Variants in SEPTIN2 observed in about 807,000 individuals in gnomAD.
SEPTIN2 encodes septin-2.
SEPTIN2 carries 34 observed loss-of-function variants against 46.5 expected under a neutral mutation model. That is an observed-to-expected ratio of 0.73 (90% confidence interval 0.56 to 0.97). The LOEUF (loss-of-function observed/expected upper bound fraction) is 0.97, where lower values mean the gene tolerates loss of function less well. Ranked by LOEUF, SEPTIN2 falls within the 50% of genes least tolerant of loss-of-function variation. The pLI is 0.00. For missense variants in SEPTIN2, 347 were observed against 448.4 expected (o/e 0.77, Z 2.04); for synonymous variants, 175 against 153.4 (o/e 1.14, Z -1.04).
chr2:241,343,958 G>T (rs1311867284), intron 9 of SEPTIN2, 61 bp downstream of exon 9: 1 of 1,591,886 alleles, frequency 6.3e-7, no homozygotes, highest in Admixed American at 1.7e-5. Flanking sequence ...GATTTCAGAC[G>T]GGGTGTACAC....
At chr2:241,322,156 G>C (rs1248789452) in intron 1 of SEPTIN2, among the ~76,000 whole-genome samples, 1 of 152,150 alleles carries the variant, frequency 6.6e-6, no homozygotes, top group African/African-American at 2.4e-5. Context: ...GAGGGGAATC[G>C]AGAGGCAAAG....
chr2:241,351,869 T>G (rs1341205547), intron 12 of SEPTIN2, 98 bp from the exon 13 acceptor site: 1 of 152,360 alleles, frequency 6.6e-6, no homozygotes, highest in Non-Finnish European at 1.5e-5. Flanking sequence ...TTGCTCAGTT[T>G]ATGACCTTTG....
At chr2:241,348,016 A>G (rs974842809) in intron 10 of SEPTIN2, 118 bp from the exon 11 acceptor site, 12 of 770,456 alleles carry the variant, frequency 1.6e-5, no homozygotes, top group Admixed American at 1.1e-4. Flanking sequence ...CACCATCTCA[A>G]TATAAAAAGA....
Position 241,317,240 on chromosome 2 carries a change from A to C in SEPTIN2, c.-18+1258A>C, listed in dbSNP as rs530806539. Among the ~76,000 whole-genome samples the C allele has an allele frequency of 3.3e-5, 5 of 152,288 alleles. No homozygotes were observed. In the East Asian group the frequency reaches 5.8e-4, roughly 18 times the overall value. On this transcript the variant is annotated intron_variant, in intron 1 of 12. Coordinates refer to ENST00000391971, the MANE Select transcript of SEPTIN2 (RefSeq NM_004404.5). ...TTTGCACCACCCAGCATCCTAACTC[A>C]TGATGTGTACTGTTATGTATAATCT... is the stretch of plus-strand genomic sequence containing the variant.
chr2:241,332,603 A>G (rs746552021), intron 3 of SEPTIN2, among the ~76,000 whole-genome samples: 6 of 152,226 alleles, frequency 3.9e-5, no homozygotes, highest in Non-Finnish European at 8.8e-5. Context: ...CTTAACAGTT[A>G]AGACCCAGCA....
At position 241,353,060 on chromosome 2, in the gene SEPTIN2, T is replaced by C. The variant is rs1262630697; in HGVS notation, c.*1123T>C. The stretch of plus-strand genomic sequence containing the variant: ...CTACCGGGTTCTCCTGATTTGAGTT[T>C]CCTTTAAATACTCCCTTTTTGAGTA... On this transcript the variant is annotated 3_prime_UTR_variant, in exon 13 of 13. Transcript: ENST00000391971. 1 of 152,230 alleles carries C rather than the reference T, an allele frequency of 6.6e-6. No homozygotes were observed. Among genetic ancestry groups the C allele is most frequent in the Non-Finnish European group, 1.5e-5 (1 of 68,038 alleles). The allele number at this position is 152,230 out of a possible 1,614,324, so 9.4% of individuals were successfully genotyped here.
At position 241,343,810 on chromosome 2, in the gene SEPTIN2, A is replaced by C. The variant is rs1227738455; in HGVS notation, c.755A>C (p.Lys252Thr). Residue 252 changes from lysine (K) to threonine (T), a missense_variant, in exon 9 of 13, where the codon AAG becomes ACG. Lys to Thr is a moderately conservative substitution (Grantham distance 78, BLOSUM62 -1). Coordinates refer to ENST00000391971, the MANE Select transcript of SEPTIN2 (RefSeq NM_004404.5). Reference protein sequence around the residue: ...SNQLIEAKGKKVRGRLYPWGV... With the variant: ...SNQLIEAKGKTVRGRLYPWGV... The stretch of plus-strand genomic sequence containing the variant: ...CAGTTGATTGAAGCCAAAGGAAAGA[A>C]GGTCAGAGGCCGCCTCTACCCCTGG... 1.2e-6 allele frequency: 2 copies of C among 1,614,112 alleles called. No individual in the cohort carries two copies. Among genetic ancestry groups the C allele is most frequent in the African/African-American group, 2.7e-5 (2 of 74,938 alleles).
At chr2:241,324,437 G>C (rs745362687) in intron 2 of SEPTIN2, 196 bp downstream of exon 2, 52 of 539,020 alleles carry the variant, frequency 9.6e-5, no homozygotes, top group Non-Finnish European at 1.5e-4. Flanking sequence ...CACCAGGCTG[G>C]AGTGCAGTGG....
rs144168171 is a variant in SEPTIN2, at chr2:241,328,219, G to A, written c.130+2106G>A. Among the ~76,000 whole-genome samples, 858 of 152,260 alleles carry A rather than the reference G, an allele frequency of 5.6e-3. 15 individuals carry two copies. The highest frequency in any genetic ancestry group is 0.019 in the African/African-American group (797 of 41,548). On this transcript the variant is annotated intron_variant, in intron 3 of 12. Coordinates refer to ENST00000391971, the MANE Select transcript of SEPTIN2 (RefSeq NM_004404.5). ...GGAGGCCAGAGCGGGTGGATCATTT[G>A]AGGTCAGGAGTTTGAGACCAGCCTG...
chr2:241,330,326 A>G (rs911146614), intron 3 of SEPTIN2, among the ~76,000 whole-genome samples: 12 of 152,314 alleles, frequency 7.9e-5, no homozygotes, highest in African/African-American at 2.4e-4. Flanking sequence ...AAAGATAGGA[A>G]CGTAAGAATT....
At chr2:241,323,925 A>G (rs2077528344) in intron 1 of SEPTIN2, among the ~76,000 whole-genome samples, 1 of 152,224 alleles carries the variant, frequency 6.6e-6, no homozygotes, top group Non-Finnish European at 1.5e-5. Flanking sequence ...CTCATCTCCC[A>G]GTCATTTAGT....
intron 1 of SEPTIN2, among the ~76,000 whole-genome samples, chr2:241,319,309 A>T (rs771444532): frequency 6.6e-6 from 1 of 152,250 alleles, no homozygotes; most frequent in African/African-American, 2.4e-5. Flanking sequence ...TTTGCTTCAT[A>T]ATCATCCAGG....
chr2:241,330,748 AAAC>A (rs1232861275), intron 3 of SEPTIN2, among the ~76,000 whole-genome samples: 1 of 152,250 alleles, frequency 6.6e-6, no homozygotes, highest in African/African-American at 2.4e-5. Flanking sequence ...AGGACTGACT[AAAC>A]AAATGGAGTT....
chr2:241,324,474 G>C (rs1428992851), intron 2 of SEPTIN2: 1 of 496,902 alleles, frequency 2.0e-6, no homozygotes, highest in Non-Finnish European at 3.7e-6. Context: ...TGCAACTTCT[G>C]CCTCCCACGT....
chr2:241,346,273 CTGTATTG>C lies in SEPTIN2; in HGVS notation c.926+28_926+34del, dbSNP rs758316959. 13 of 1,595,622 alleles carry C rather than the reference CTGTATTG, an allele frequency of 8.1e-6. No homozygotes were observed. The South Asian group carries it at 1.4e-4, about 18-fold the overall frequency. On this transcript the variant is annotated intron_variant, in intron 10 of 12. Transcript: ENST00000391971. Reference sequence around the variant, plus strand: ...AGGTCATCACACTGTGCCCCTTTCTCTGTATTGTGTCACCCTGAGCCACAATGTTCCT... The same window carrying C: ...AGGTCATCACACTGTGCCCCTTTCTCTGTCACCCTGAGCCACAATGTTCCT...
At chr2:241,335,834 T>C (rs1391775522) in intron 4 of SEPTIN2, 141 bp from the exon 5 acceptor site, 1 of 1,066,378 alleles carries the variant, frequency 9.4e-7, no homozygotes, top group Non-Finnish European at 1.4e-6. Flanking sequence ...TCTGGGATCT[T>C]TTTTTCTTAA....
At chr2:241,325,309 ATC>A (rs1395510106) in intron 2 of SEPTIN2, 3 of 152,048 alleles carry the variant, frequency 2.0e-5, no homozygotes, top group Admixed American at 6.6e-5. Context: ...GCCTTCTCAT[ATC>A]TCTGTCCTCT....
rs1334901323 is a variant in SEPTIN2 at position 241,335,181 on chromosome 2, G to A, written c.186G>A (p.Leu62=). The change falls in exon 4 of 13, where the codon CTG becomes CTA. Residue 62 remains leucine, a synonymous_variant. Coordinates refer to ENST00000391971, the MANE Select transcript of SEPTIN2 (RefSeq NM_004404.5). ...TLINSLFLTD[L]YPERVIPGAA... ...TAAACAGCCTATTCCTAACTGATCT[G>A]TACCCAGAAAGAGTCATACCTGGAG... The A allele has an allele frequency of 1.2e-6, 2 of 1,613,794 alleles. No individual in the cohort carries two copies. Among genetic ancestry groups the A allele is most frequent in the East Asian group, 2.2e-5 (1 of 44,876 alleles).
intron 1 of SEPTIN2, among the ~76,000 whole-genome samples, chr2:241,319,167 A>C (rs2076786292): frequency 1.3e-5 from 2 of 152,242 alleles, no homozygotes; most frequent in Non-Finnish European, 2.9e-5. Flanking sequence ...AAATGAGAGA[A>C]TAGAGAATAT....
Sources: gnomAD v4.1 joint callset for allele counts (sites outside exome capture counted in the v4.1 genomes callset) on GRCh38, gnomAD v4.1.1 for gene constraint, MANE v1.5 for transcripts, NCBI Gene and HGNC (gene_info 2026-07-23, HGNC 2026-07-21) for gene names.